The following PCDH11X variants were observed in gnomAD, a reference collection of about 807,000 sequenced individuals.
The protein encoded by PCDH11X is protocadherin-11 X-linked.
In PCDH11X, 18 loss-of-function variants were observed where a neutral mutation model predicts 53.3. The ratio of observed to expected loss-of-function variants is 0.34; its 90% CI spans 0.23 to 0.50. The LOEUF (loss-of-function observed/expected upper bound fraction) is 0.50. PCDH11X is among the 20% of genes least tolerant of loss of function. The probability of loss-of-function intolerance (pLI) is 0.98; values close to 1 mark genes in which losing one functional copy is unlikely to be tolerated. For missense variants in PCDH11X, 570 were observed against 1,032.4 expected, an observed-to-expected ratio of 0.55 and a Z score of 6.14; for synonymous variants, 279 against 393.3, an observed-to-expected ratio of 0.71 and a Z score of 3.44.
chrX:91,951,123 A>G (rs1226825184), intron 6 of PCDH11X, among the ~76,000 whole-genome samples: 1 of 111,126 alleles, frequency 9.0e-6, no homozygotes, highest in African/African-American at 3.3e-5. Context: ...ATAACGTATT[A>G]TTTTTCTCTC....
chrX:91,977,904 A>G (rs972272761), intron 6 of PCDH11X, among the ~76,000 whole-genome samples: 1 of 111,497 alleles, frequency 9.0e-6, no homozygotes. Flanking sequence ...TTCCTTAGAC[A>G]GTTGTAATCC....
intron 8 of PCDH11X, among the ~76,000 whole-genome samples, chrX:92,303,122 G>A (rs1184840796): frequency 9.1e-6 from 1 of 109,554 alleles, no homozygotes; most frequent in Non-Finnish European, 1.9e-5. Context: ...AGGTATGAGA[G>A]CATTTGAACT....
chrX:91,845,288 A>T (rs1429469228), intron 5 of PCDH11X, among the ~76,000 whole-genome samples: 2 of 109,740 alleles, frequency 1.8e-5, no homozygotes, highest in African/African-American at 3.5e-5. Flanking sequence ...TAGTGGTTTC[A>T]TACTGCTTTG....
chrX:92,216,510 T>TA (rs1162591055), intron 7 of PCDH11X, among the ~76,000 whole-genome samples: 11 of 104,384 alleles, frequency 1.1e-4, no homozygotes, highest in African/African-American at 1.4e-4. Flanking sequence ...GAAAAAAGAA[T>TA]AAAAAAAAAC....
At chrX:91,971,824 A>G (rs963728495) in intron 6 of PCDH11X, among the ~76,000 whole-genome samples, 6 of 111,369 alleles carry the variant, frequency 5.4e-5, no homozygotes, top group Non-Finnish European at 9.4e-5. Flanking sequence ...TTTTTTTTAT[A>G]TTGCTTGATA....
chrX:92,163,809 C>T (rs901661516), intron 6 of PCDH11X, among the ~76,000 whole-genome samples: 10 of 111,542 alleles, frequency 9.0e-5, no homozygotes, highest in Non-Finnish European at 1.7e-4. Context: ...GGTCTCCACA[C>T]ACTGCTCTGT....
At chrX:91,851,702 A>C (rs1193208994) in intron 5 of PCDH11X, among the ~76,000 whole-genome samples, 1 of 112,019 alleles carries the variant, frequency 8.9e-6, no homozygotes, top group Non-Finnish European at 1.9e-5. Context: ...AGATTTCTCC[A>C]GTTCTGTAGT....
At chrX:92,295,855 G>A (rs1392971477) in intron 8 of PCDH11X, among the ~76,000 whole-genome samples, 8 of 108,404 alleles carry the variant, frequency 7.4e-5, no homozygotes, top group African/African-American at 1.0e-4. Flanking sequence ...CTAGGCGGGC[G>A]GATCCCCTGA....
chrX:91,892,316 T>C (rs1438268747), intron 6 of PCDH11X, among the ~76,000 whole-genome samples: 1 of 107,568 alleles, frequency 9.3e-6, no homozygotes, highest in Non-Finnish European at 1.9e-5. Flanking sequence ...CTTTCATTTG[T>C]TCAATCAATT....
rs533416819 is a variant in PCDH11X, at chrX:92,287,323, G to A, written c.3144+24180G>A. The stretch of plus-strand genomic sequence containing the variant: ...ACATATATTAGGTATTTGTCCTAAT[G>A]CTCTCCCTCCCCTTGTCCACCACCC... On this transcript the variant is annotated intron_variant, in intron 8 of 10. Transcript: ENST00000682573. Among the ~76,000 whole-genome samples the A allele has an allele frequency of 8.1e-5, 9 of 111,132 alleles. No individual in the cohort carries two copies. The South Asian group carries it at 3.4e-3, about 42-fold the overall frequency.
intron 6 of PCDH11X, among the ~76,000 whole-genome samples, chrX:92,012,776 A>G (rs1192197099): frequency 8.9e-6 from 1 of 111,859 alleles, no homozygotes; most frequent in African/African-American, 3.3e-5. Flanking sequence ...TTGATTTCAG[A>G]CCACTGCAAT....
chrX:92,176,730 ATAATT>A (rs1419072850), intron 6 of PCDH11X, among the ~76,000 whole-genome samples: 3 of 111,073 alleles, frequency 2.7e-5, no homozygotes. Flanking sequence ...CTCTTGAGAG[ATAATT>A]TATTTTATGT....
At chrX:92,142,370 G>GCACA (rs201418320) in intron 6 of PCDH11X, among the ~76,000 whole-genome samples, 121 of 95,572 alleles carry the variant, frequency 1.3e-3, no homozygotes, top group South Asian at 3.1e-3. Context: ...GTGCGCGCGC[G>GCACA]CACACACACA....
intron 9 of PCDH11X, among the ~76,000 whole-genome samples, chrX:92,429,253 C>T (rs756421470): frequency 1.8e-5 from 2 of 110,531 alleles, no homozygotes; most frequent in African/African-American, 6.6e-5. Context: ...GAACATAGGA[C>T]GCAAACTAAG....
intron 8 of PCDH11X, among the ~76,000 whole-genome samples, chrX:92,317,759 G>T (rs1251580404): frequency 9.0e-6 from 1 of 111,186 alleles, no homozygotes; most frequent in Non-Finnish European, 1.9e-5. Context: ...GTTAGATCCT[G>T]GATATCACAT....
At chrX:91,842,494 C>T (rs1400391475) in intron 5 of PCDH11X, among the ~76,000 whole-genome samples, 1 of 105,888 alleles carries the variant, frequency 9.4e-6, no homozygotes, top group Non-Finnish European at 1.9e-5. Context: ...GCACTAAGGG[C>T]ATCAAAATAG....
At chrX:92,137,581 A>G (rs1199230548) in intron 6 of PCDH11X, among the ~76,000 whole-genome samples, 1 of 111,521 alleles carries the variant, frequency 9.0e-6, no homozygotes, top group African/African-American at 3.3e-5. Flanking sequence ...GTGCACAACT[A>G]AATGGCTTTT....
intron 8 of PCDH11X, among the ~76,000 whole-genome samples, chrX:92,337,802 C>T (rs34571527): frequency 4.5e-5 from 5 of 110,985 alleles, no homozygotes; most frequent in South Asian, 3.8e-4. Context: ...GTATAAAAGA[C>T]GGGGATTTAC....
At chrX:92,237,347 C>T (rs1416563106) in intron 7 of PCDH11X, among the ~76,000 whole-genome samples, 1 of 110,509 alleles carries the variant, frequency 9.0e-6, no homozygotes, top group Non-Finnish European at 1.9e-5. Flanking sequence ...TTCATATCTG[C>T]TAATTTTACC....
Sources: gnomAD v4.1 joint callset for allele counts (sites outside exome capture counted in the v4.1 genomes callset) on GRCh38, gnomAD v4.1.1 for gene constraint, MANE v1.5 for transcripts, NCBI Gene and HGNC (gene_info 2026-07-23, HGNC 2026-07-21) for gene names.